SMARCC1: variants seen among roughly 807,000 people sequenced by gnomAD.
SMARCC1 encodes the protein SWI/SNF complex subunit SMARCC1.
In SMARCC1, 43 loss-of-function variants were observed where a neutral mutation model predicts 147.4. The ratio of observed to expected loss-of-function variants is 0.29; its 90% CI spans 0.23 to 0.38. SMARCC1 has a LOEUF of 0.38. SMARCC1 is among the 10% of genes least tolerant of loss of function. The pLI, the probability that SMARCC1 is intolerant of heterozygous loss-of-function variation, is 1.00. For missense variants in SMARCC1, 1,119 were observed against 1,381.1 expected (o/e 0.81, Z 3.01); for synonymous variants, 495 against 484.4 (o/e 1.02, Z -0.29).
intron 6 of SMARCC1, among the ~76,000 whole-genome samples, chr3:47,723,100 CAGAT>C (rs2034252164): frequency 6.6e-6 from 1 of 152,092 alleles, no homozygotes; most frequent in African/African-American, 2.4e-5. Context: ...GCTATATACT[CAGAT>C]TGGTTGGTTT....
chr3:47,683,480 A>G (rs1252277161), intron 14 of SMARCC1, among the ~76,000 whole-genome samples: 2 of 152,216 alleles, frequency 1.3e-5, no homozygotes, highest in Admixed American at 1.3e-4. Flanking sequence ...ACTTCTGGAC[A>G]TACATGGATT....
intron 25 of SMARCC1, chr3:47,610,664 T>G: frequency 3.4e-6 from 1 of 293,188 alleles, no homozygotes; most frequent in Non-Finnish European, 6.6e-6. Context: ...AAAAATACTT[T>G]CTATGGCTGT....
At chr3:47,754,816 G>A (rs76233917) in intron 2 of SMARCC1, among the ~76,000 whole-genome samples, 1 of 152,118 alleles carries the variant, frequency 6.6e-6, no homozygotes, top group Admixed American at 6.6e-5. Context: ...GCCAAAACAA[G>A]CAAACCACTG....
chr3:47,654,218 C>A (rs2033229012), intron 21 of SMARCC1, among the ~76,000 whole-genome samples: 1 of 151,946 alleles, frequency 6.6e-6, no homozygotes, highest in Non-Finnish European at 1.5e-5. Context: ...CACAGAGAAC[C>A]AAAAGACCCT....
intron 24 of SMARCC1, among the ~76,000 whole-genome samples, chr3:47,624,419 C>A (rs570691170): frequency 9.9e-4 from 151 of 152,110 alleles, no homozygotes; most frequent in Non-Finnish European, 1.8e-3. Context: ...CAGAAAGGCA[C>A]CCTCCCAAAA....
chr3:47,618,857 C>T (rs755258901), intron 25 of SMARCC1, among the ~76,000 whole-genome samples: 1 of 152,110 alleles, frequency 6.6e-6, no homozygotes, highest in South Asian at 2.1e-4. Flanking sequence ...ATTCTGTAAG[C>T]GCTCAGGGTT....
chr3:47,622,811 A>AG lies in SMARCC1; in HGVS notation c.2647-471dup, dbSNP rs2032753945. 2.6e-5 allele frequency among the ~76,000 whole-genome samples: 4 copies of AG among 152,314 alleles called. No homozygotes were observed. The South Asian group carries it at 8.3e-4, about 32-fold the overall frequency. On this transcript the variant is annotated intron_variant, in intron 24 of 27. Transcript: ENST00000254480. ...GAGCAGACCTCATGTGTGGAAACAAAGGGGAAAACAATATTTGATCTGTAA... is the reference window on the plus strand; with the variant it reads ...GAGCAGACCTCATGTGTGGAAACAAAGGGGGAAAACAATATTTGATCTGTAA...
At chr3:47,712,670 T>C (rs1369558939) in intron 8 of SMARCC1, among the ~76,000 whole-genome samples, 1 of 152,176 alleles carries the variant, frequency 6.6e-6, no homozygotes, top group Non-Finnish European at 1.5e-5. Context: ...AAGCTGACTA[T>C]TTACACTCCT....
chr3:47,686,471 G>A (rs1312749169), intron 13 of SMARCC1, among the ~76,000 whole-genome samples: 2 of 152,164 alleles, frequency 1.3e-5, no homozygotes, highest in African/African-American at 2.4e-5. Flanking sequence ...CAGGACTTCA[G>A]ACTAAATAAA....
intron 6 of SMARCC1, among the ~76,000 whole-genome samples, chr3:47,727,385 T>G (rs918912447): frequency 2.6e-5 from 4 of 151,422 alleles, no homozygotes; most frequent in African/African-American, 9.7e-5. Flanking sequence ...TGGGCACCTG[T>G]AATCCCAGCT....
intron 14 of SMARCC1, among the ~76,000 whole-genome samples, chr3:47,683,138 G>A (rs2033675490): frequency 6.6e-6 from 1 of 152,148 alleles, no homozygotes; most frequent in Non-Finnish European, 1.5e-5. Context: ...CACCTCCCGG[G>A]TTCACGCCAT....
At chr3:47,677,117 GAC>G (rs774763480) in intron 16 of SMARCC1, among the ~76,000 whole-genome samples, 2 of 152,086 alleles carry the variant, frequency 1.3e-5, no homozygotes, top group Admixed American at 6.5e-5. Flanking sequence ...CATTTTTCGT[GAC>G]AGAGTCTCGC....
chr3:47,590,883 G>A (rs2032170519), intron 26 of SMARCC1, 46 bp from the exon 27 acceptor site: 3 of 1,503,952 alleles, frequency 2.0e-6, no homozygotes, highest in East Asian at 4.8e-5. Context: ...AGAAAGGGGT[G>A]TAAGAAAGGG....
chr3:47,722,605 T>G (rs1198591222), intron 6 of SMARCC1, among the ~76,000 whole-genome samples: 1 of 152,134 alleles, frequency 6.6e-6, no homozygotes, highest in East Asian at 1.9e-4. Flanking sequence ...CAAAAAAATT[T>G]TTGATTTTTA....
At chr3:47,754,661 A>C (rs1280981678) in intron 2 of SMARCC1, among the ~76,000 whole-genome samples, 1 of 152,176 alleles carries the variant, frequency 6.6e-6, no homozygotes, top group African/African-American at 2.4e-5. Flanking sequence ...GAATTCCTAG[A>C]AAGAAAGCAA....
In SMARCC1 at chr3:47,745,982, G is replaced by A; in HGVS notation, c.327C>T (p.Phe109=). 6.3e-7 allele frequency: 1 copy of A among 1,577,476 alleles called. No individual in the cohort carries two copies. Among genetic ancestry groups the A allele is most frequent in the Non-Finnish European group, 8.6e-7 (1 of 1,166,750 alleles). ...PAFTKLPAKC[F]MDFKAGGALC... is the part of the protein sequence containing the mutation. ...AGGCGCCTCCAGCTTTGAAATCCATGAAACACTTTGCCTAAAAATGATACA... is the reference window on the plus strand; with the variant it reads ...AGGCGCCTCCAGCTTTGAAATCCATAAAACACTTTGCCTAAAAATGATACA... The change falls in exon 3 of 28, where the codon TTC becomes TTT. Residue 109 remains phenylalanine, a synonymous_variant. Coordinates refer to ENST00000254480, the MANE Select transcript of SMARCC1 (RefSeq NM_003074.4).
intron 18 of SMARCC1, among the ~76,000 whole-genome samples, chr3:47,672,181 ACGC>A (rs2033510037): frequency 6.6e-6 from 1 of 152,164 alleles, no homozygotes; most frequent in Non-Finnish European, 1.5e-5. Flanking sequence ...TGTATCTATA[ACGC>A]AGAATATACA....
At chr3:47,601,565 T>A (rs1023166000) in intron 26 of SMARCC1, 1 of 152,064 alleles carries the variant, frequency 6.6e-6, no homozygotes, top group Non-Finnish European at 1.5e-5. Context: ...GGGCCCTCAC[T>A]GTTCTCTTTG....
intron 18 of SMARCC1, among the ~76,000 whole-genome samples, chr3:47,671,196 A>AAAAAAAAAAC (rs753672169): frequency 0.049 from 3,947 of 80,740 alleles, 893 homozygotes; most frequent in Non-Finnish European, 0.071. Context: ...AAAAAAAAAA[A>AAAAAAAAAAC]AACACACACA....
Sources: gnomAD v4.1 joint callset for allele counts (sites outside exome capture counted in the v4.1 genomes callset) on GRCh38, gnomAD v4.1.1 for gene constraint, MANE v1.5 for transcripts, NCBI Gene and HGNC (gene_info 2026-07-23, HGNC 2026-07-21) for gene names.